Variants in STX8 observed in about 807,000 individuals in gnomAD.
STX8 encodes the protein syntaxin 8.
A neutral mutation model predicts 37.5 loss-of-function variants in STX8; 23 were observed. The ratio of observed to expected loss-of-function variants is 0.61; its 90% CI spans 0.44 to 0.87. The LOEUF is 0.87. Ranked by LOEUF, STX8 falls within the 40% of genes least tolerant of loss-of-function variation. The probability of loss-of-function intolerance (pLI) is 0.00; values close to 1 mark genes in which losing one functional copy is unlikely to be tolerated. For missense variants in STX8, 313 were observed against 284.7 expected, an observed-to-expected ratio of 1.10 and a Z score of -0.71; for synonymous variants, 115 against 99.1, an observed-to-expected ratio of 1.16 and a Z score of -0.95.
chr17:9,450,931 C>G lies in STX8; in HGVS notation c.541+40898G>C, dbSNP rs148662820. Among the ~76,000 whole-genome samples the G allele has an allele frequency of 8.5e-4, 129 of 152,036 alleles. 2 individuals carry two copies. In the East Asian group the frequency reaches 0.018, roughly 21 times the overall value. On this transcript the variant is annotated intron_variant, in intron 6 of 7. Transcript: ENST00000306357. ...TCCATAAGAGGTCCTGCCTTTTTGT[C>G]CAGTAACACAAAAAAGATTTGCCAA...
At chr17:9,488,692 C>G (rs1460026255) in intron 6 of STX8, among the ~76,000 whole-genome samples, 3 of 152,132 alleles carry the variant, frequency 2.0e-5, no homozygotes, top group Non-Finnish European at 4.4e-5. Context: ...TATGAATTCT[C>G]CCCTACATCC....
intron 6 of STX8, among the ~76,000 whole-genome samples, chr17:9,391,180 C>T (rs184424725): frequency 1.3e-5 from 2 of 152,124 alleles, no homozygotes; most frequent in East Asian, 1.9e-4. Flanking sequence ...AGGCTGGGCT[C>T]GGTGGTTCAC....
At position 9,304,526 on chromosome 17, in the gene STX8, AAAAGAAAAAAG is replaced by A. The variant is rs1483984422; in HGVS notation, c.644-53892_644-53882del. ...CTGTCTCAAAAAAAAAAAAAAAAAA[AAAAGAAAAAAG>A]AAAGAAAAAAGAAAACGAAAAATAC... On this transcript the variant is annotated intron_variant, in intron 7 of 7. Transcript: ENST00000306357. Among the ~76,000 whole-genome samples the A allele has an allele frequency of 3.9e-3, 583 of 148,710 alleles. 1 individual carries two copies. Among genetic ancestry groups the A allele is most frequent in the African/African-American group, 0.014 (552 of 40,420 alleles).
chr17:9,381,626 C>G (rs1911822605), intron 6 of STX8, among the ~76,000 whole-genome samples: 1 of 152,150 alleles, frequency 6.6e-6, no homozygotes, highest in Non-Finnish European at 1.5e-5. Context: ...CCTTATACCT[C>G]CCACCCCTAG....
intron 7 of STX8, among the ~76,000 whole-genome samples, chr17:9,370,768 T>G (rs1383212949): frequency 6.6e-6 from 1 of 152,198 alleles, no homozygotes; most frequent in African/African-American, 2.4e-5. Flanking sequence ...AAGGCTCTAT[T>G]TTGAATTCTA....
intron 7 of STX8, among the ~76,000 whole-genome samples, chr17:9,370,350 C>T (rs12600548): frequency 0.2 from 30,564 of 152,088 alleles, 3,176 homozygotes; most frequent in Non-Finnish European, 0.22. Context: ...TAATTGCTAT[C>T]CTCCTTTTAG....
intron 4 of STX8, among the ~76,000 whole-genome samples, chr17:9,514,763 A>G (rs1400542506): frequency 3.3e-5 from 5 of 152,188 alleles, no homozygotes; most frequent in Non-Finnish European, 7.3e-5. Context: ...TAATTCTTCT[A>G]GCCTTGTTCA....
chr17:9,390,297 G>T lies in STX8; in HGVS notation c.542-11644C>A, dbSNP rs1026844608. Among the ~76,000 whole-genome samples, 5 of 152,006 alleles carry T rather than the reference G, an allele frequency of 3.3e-5. No individual in the cohort carries two copies. In the East Asian group the frequency reaches 9.6e-4, roughly 29 times the overall value. On this transcript the variant is annotated intron_variant, in intron 6 of 7. Coordinates refer to ENST00000306357, the MANE Select transcript of STX8 (RefSeq NM_004853.3). ...AGCACTTTGGGAGGCTGAGGTGGGCGGATCACCTGAGATCAGGAGTTGAAG... is the reference window on the plus strand; with the variant it reads ...AGCACTTTGGGAGGCTGAGGTGGGCTGATCACCTGAGATCAGGAGTTGAAG...
At chr17:9,254,838 C>T (rs779727627) in intron 7 of STX8, among the ~76,000 whole-genome samples, 64 of 152,226 alleles carry the variant, frequency 4.2e-4, no homozygotes, top group Admixed American at 3.3e-3. Context: ...CACACACACA[C>T]GCGCACGTGT....
At chr17:9,340,343 C>A (rs1278889632) in intron 7 of STX8, among the ~76,000 whole-genome samples, 3 of 152,206 alleles carry the variant, frequency 2.0e-5, no homozygotes, top group Non-Finnish European at 4.4e-5. Flanking sequence ...TAATGTCGAT[C>A]TGGGAAAATG....
intron 7 of STX8, among the ~76,000 whole-genome samples, chr17:9,341,707 G>A (rs1208954279): frequency 6.6e-6 from 1 of 152,190 alleles, no homozygotes; most frequent in African/African-American, 2.4e-5. Flanking sequence ...AAAGTGCTGG[G>A]ATTACAGGCA....
intron 4 of STX8, among the ~76,000 whole-genome samples, chr17:9,540,081 T>A (rs1419555730): frequency 6.6e-6 from 1 of 152,144 alleles, no homozygotes; most frequent in East Asian, 1.9e-4. Context: ...GGATGGGGAT[T>A]AGGAGTAAAG....
intron 5 of STX8, 37 bp from the exon 6 acceptor site, chr17:9,491,958 G>C (rs1476866311): frequency 4.0e-6 from 6 of 1,488,804 alleles, no homozygotes; most frequent in Non-Finnish European, 5.5e-6. Context: ...CTAGAAACTA[G>C]AAGAAAACAA....
At chr17:9,493,095 C>T (rs970753285) in intron 5 of STX8, among the ~76,000 whole-genome samples, 1 of 134,520 alleles carries the variant, frequency 7.4e-6, no homozygotes, top group African/African-American at 3.1e-5. Flanking sequence ...GAGACTCCGT[C>T]TCAAAAAAAA....
intron 5 of STX8, among the ~76,000 whole-genome samples, chr17:9,501,313 C>A (rs1001703130): frequency 3.9e-5 from 6 of 152,078 alleles, no homozygotes; most frequent in African/African-American, 1.4e-4. Flanking sequence ...CTTAATGACC[C>A]ATCATAAAGG....
chr17:9,297,129 C>T (rs1362041371), intron 7 of STX8, among the ~76,000 whole-genome samples: 4 of 151,670 alleles, frequency 2.6e-5, no homozygotes, highest in Non-Finnish European at 5.9e-5. Context: ...CCTCCAAAAA[C>T]GTCAGCTCTC....
At chr17:9,309,471 C>T (rs561133632) in intron 7 of STX8, among the ~76,000 whole-genome samples, 24 of 151,962 alleles carry the variant, frequency 1.6e-4, no homozygotes, top group Non-Finnish European at 2.4e-4. Context: ...GGGTAAATTA[C>T]GGAGATAAGT....
chr17:9,395,077 A>G (rs1332190148), intron 6 of STX8, among the ~76,000 whole-genome samples: 1 of 148,598 alleles, frequency 6.7e-6, no homozygotes, highest in African/African-American at 2.5e-5. Flanking sequence ...CCCCGTCTCA[A>G]AAAAAAAAAA....
At chr17:9,253,915 C>T (rs1268359639) in intron 7 of STX8, among the ~76,000 whole-genome samples, 4 of 152,172 alleles carry the variant, frequency 2.6e-5, no homozygotes, top group Non-Finnish European at 5.9e-5. Flanking sequence ...TTCATACACC[C>T]GGAGCGTGAG....
Sources: allele counts gnomAD v4.1 joint callset (sites outside exome capture counted in the v4.1 genomes callset), GRCh38; gene constraint gnomAD v4.1.1; transcripts MANE v1.5; gene names NCBI Gene and HGNC (gene_info 2026-07-23, HGNC 2026-07-21).